The following GNG4 variants were observed in gnomAD, a reference collection of about 807,000 sequenced individuals.
GNG4 encodes the protein G protein subunit gamma 4.
GNG4 carries 4 observed loss-of-function variants against 5.8 expected under a neutral mutation model. The ratio of observed to expected loss-of-function variants is 0.69; its 90% CI spans 0.34 to 1.57. The LOEUF is 1.57. GNG4 is among the 40% of genes most tolerant of loss of function. The pLI, the probability that GNG4 is intolerant of heterozygous loss-of-function variation, is 0.06. For missense variants in GNG4, 96 were observed against 95.1 expected, an observed-to-expected ratio of 1.01 and a Z score of -0.04; for synonymous variants, 29 against 32.9, an observed-to-expected ratio of 0.88 and a Z score of 0.41.
At chr1:235,562,675 A>G (rs1013983913) in intron 3 of GNG4, among the ~76,000 whole-genome samples, 1 of 125,702 alleles carries the variant, frequency 8.0e-6, no homozygotes, top group East Asian at 2.0e-4. Context: ...AAAAAAAAGA[A>G]AAAAAAAAAA....
intron 3 of GNG4, among the ~76,000 whole-genome samples, chr1:235,574,735 CTT>C (rs1343070236): frequency 3.6e-5 from 4 of 111,020 alleles, no homozygotes; most frequent in Non-Finnish European, 8.6e-5. Context: ...AAAAATAGCT[CTT>C]TCTCTTTTTC....
intron 3 of GNG4, among the ~76,000 whole-genome samples, chr1:235,558,376 AC>A (rs1460921999): frequency 1.3e-5 from 2 of 152,184 alleles, no homozygotes; most frequent in African/African-American, 4.8e-5. Context: ...GTCCTATATA[AC>A]CTTTATAACC....
chr1:235,603,857 G>A (rs1688304344), intron 1 of GNG4, among the ~76,000 whole-genome samples: 1 of 152,210 alleles, frequency 6.6e-6, no homozygotes, highest in South Asian at 2.1e-4. Flanking sequence ...TTAAGGTCAA[G>A]AAAATTAGAG....
intron 2 of GNG4, among the ~76,000 whole-genome samples, chr1:235,591,356 C>A (rs1687956982): frequency 6.6e-6 from 1 of 152,138 alleles, no homozygotes; most frequent in Admixed American, 6.5e-5. Context: ...CAGGAGGGAG[C>A]CCCTTCCCTG....
At chr1:235,580,739 G>GTTT (rs1200655746) in intron 3 of GNG4, among the ~76,000 whole-genome samples, 1,441 of 97,866 alleles carry the variant, frequency 0.015, 244 homozygotes, top group East Asian at 0.072. Flanking sequence ...GGCCTATCCC[G>GTTT]TTTTTTGTTT....
rs746989867 is a variant in GNG4, at chr1:235,597,630, A to ATTT, written c.-122-2122_-122-2120dup. On this transcript the variant is annotated intron_variant, in intron 1 of 3. Transcript: ENST00000391854. Reference sequence around the variant, plus strand: ...TGTGTGTGTGTGTGTGTGTGTGTGTATTTTTTTTTTTTTCAGATGGAGTCT... The same window carrying ATTT: ...TGTGTGTGTGTGTGTGTGTGTGTGTATTTTTTTTTTTTTTTTCAGATGGAGTCT... 4.3e-3 allele frequency among the ~76,000 whole-genome samples: 154 copies of ATTT among 35,596 alleles called. 2 individuals are homozygous for ATTT. The highest frequency in any genetic ancestry group is 0.012 in the African/African-American group (130 of 10,796). 23.4% of individuals were successfully genotyped at this position (35,596 alleles called of 152,430 possible).
intron 3 of GNG4, among the ~76,000 whole-genome samples, chr1:235,574,800 C>CCAGTATCTGTCACGACACAA: frequency 6.6e-6 from 1 of 152,130 alleles, no homozygotes; most frequent in East Asian, 1.9e-4. Flanking sequence ...TTAATAACTG[C>CCAGTATCTGTCACGACACAA]CAGTATCTGT....
At chr1:235,569,692 C>T (rs990038209) in intron 3 of GNG4, among the ~76,000 whole-genome samples, 2 of 151,720 alleles carry the variant, frequency 1.3e-5, no homozygotes, top group South Asian at 2.1e-4. Flanking sequence ...CTCAGCCTCC[C>T]GAGTAGCTGG....
At chr1:235,613,527 C>T (rs527507243) in intron 1 of GNG4, among the ~76,000 whole-genome samples, 26 of 151,848 alleles carry the variant, frequency 1.7e-4, no homozygotes, top group African/African-American at 5.6e-4. Context: ...GCAGGAGAGT[C>T]GGTGTCAGTC....
chr1:235,574,981 C>T lies in GNG4; in HGVS notation c.99+8759G>A, dbSNP rs138925143. Among the ~76,000 whole-genome samples, 205 of 152,218 alleles carry T rather than the reference C, an allele frequency of 1.3e-3. 5 individuals carry two copies. The East Asian group carries it at 0.029, about 22-fold the overall frequency. ...CTGGGATTACAGGCACACACCACCA[C>T]ACCCAGCTAATTTTTGTATTTTTAG... is the stretch of plus-strand genomic sequence containing the variant. On this transcript the variant is annotated intron_variant, in intron 3 of 3. Coordinates refer to ENST00000391854, the MANE Select transcript of GNG4 (RefSeq NM_001098722.2).
chr1:235,601,293 G>A (rs1367387868), intron 1 of GNG4, among the ~76,000 whole-genome samples: 1 of 152,144 alleles, frequency 6.6e-6, no homozygotes, highest in Admixed American at 6.6e-5. Context: ...GCCCCCTAGT[G>A]GTGCTCGGCT....
chr1:235,629,958 A>T (rs1174674784), intron 1 of GNG4, among the ~76,000 whole-genome samples: 1 of 152,016 alleles, frequency 6.6e-6, no homozygotes, highest in Non-Finnish European at 1.5e-5. Flanking sequence ...CATTTCTATG[A>T]CACTTCTGGG....
At position 235,644,886 on chromosome 1, in the gene GNG4, C is replaced by A. The variant is rs567102899; in HGVS notation, c.-123+4776G>T. On this transcript the variant is annotated intron_variant, in intron 1 of 3. Coordinates refer to ENST00000391854, the MANE Select transcript of GNG4 (RefSeq NM_001098722.2). The surrounding 1 kb of genome is among the most constrained non-coding windows in gnomAD (Gnocchi z 5.9). ...ATGCCAGTTGTTGGGTGTAGCTGGA[C>A]CTTCCTATAGACAGGGAGCCATGGG... Among the ~76,000 whole-genome samples, 1 of 152,210 alleles carries A rather than the reference C, an allele frequency of 6.6e-6. No individual in the cohort carries two copies. Among genetic ancestry groups the A allele is most frequent in the African/African-American group, 2.4e-5 (1 of 41,536 alleles).
At chr1:235,626,558 G>T (rs928933518) in intron 1 of GNG4, among the ~76,000 whole-genome samples, 7 of 152,144 alleles carry the variant, frequency 4.6e-5, no homozygotes, top group Admixed American at 4.6e-4. Context: ...TGCTGATGTG[G>T]TCAGACCTCA....
At chr1:235,625,262 T>TA (rs997769055) in intron 1 of GNG4, among the ~76,000 whole-genome samples, 11 of 152,042 alleles carry the variant, frequency 7.2e-5, no homozygotes, top group African/African-American at 2.7e-4. Flanking sequence ...TCCCGGCATT[T>TA]AAAAAAAATA....
chr1:235,585,191 C>T (rs540253706), intron 2 of GNG4, among the ~76,000 whole-genome samples: 4 of 151,276 alleles, frequency 2.6e-5, no homozygotes, highest in Non-Finnish European at 5.9e-5. Flanking sequence ...CTATTCTTTC[C>T]TATGCTTCTT....
intron 1 of GNG4, among the ~76,000 whole-genome samples, chr1:235,616,786 C>T (rs1478194251): frequency 6.6e-6 from 1 of 151,994 alleles, no homozygotes; most frequent in African/African-American, 2.4e-5. Context: ...TCACCCAGGC[C>T]GGAGTGCAGT....
chr1:235,608,255 GGCTGCTGCCA>G (rs1226977840), intron 1 of GNG4, among the ~76,000 whole-genome samples: 1 of 152,056 alleles, frequency 6.6e-6, no homozygotes, highest in African/African-American at 2.4e-5. Flanking sequence ...TGTTTCTAAA[GGCTGCTGCCA>G]GCTGCTGCCA....
chr1:235,553,398 T>C (rs764662144), intron 3 of GNG4, among the ~76,000 whole-genome samples: 17 of 152,092 alleles, frequency 1.1e-4, no homozygotes, highest in Non-Finnish European at 2.1e-4. Flanking sequence ...CAGGCAGGGG[T>C]AAATACATAG....
Sources: allele counts gnomAD v4.1 joint callset (sites outside exome capture counted in the v4.1 genomes callset), GRCh38; gene constraint gnomAD v4.1.1; non-coding constraint Gnocchi (gnomAD v3.1); transcripts MANE v1.5; gene names NCBI Gene and HGNC (gene_info 2026-07-23, HGNC 2026-07-21).